The following MOV10L1 variants were observed in gnomAD, a reference collection of about 807,000 sequenced individuals.
MOV10L1 encodes the protein Mov10 like RNA helicase 1, also known as RNA helicase Mov10l1.
MOV10L1 carries 110 observed loss-of-function variants against 143.8 expected under a neutral mutation model. The ratio of observed to expected loss-of-function variants is 0.76; its 90% CI spans 0.66 to 0.90. The LOEUF is 0.90. Among genes scored for constraint, MOV10L1 ranks in the 40% least tolerant of loss-of-function variants. The pLI is 0.00. For synonymous variants in MOV10L1, 593 were observed against 581.1 expected, an observed-to-expected ratio of 1.02 and a Z score of -0.29; for missense variants, 1,406 against 1,526.8, an observed-to-expected ratio of 0.92 and a Z score of 1.32.
chr22:50,155,695 C>T (rs1020023425), intron 22 of MOV10L1, among the ~76,000 whole-genome samples: 1 of 152,164 alleles, frequency 6.6e-6, no homozygotes, highest in Non-Finnish European at 1.5e-5. Flanking sequence ...CAGCTGGTCT[C>T]GAACTCCTGA....
chr22:50,098,177 T>G (rs994686620), intron 2 of MOV10L1, among the ~76,000 whole-genome samples: 1 of 133,556 alleles, frequency 7.5e-6, no homozygotes, highest in Admixed American at 7.6e-5. Context: ...TATTGTCATC[T>G]TAATAATTAA....
In MOV10L1 at chr22:50,161,137, C is replaced by G. The variant is rs548574557; in HGVS notation, c.3554+82C>G. 65 of 1,397,928 alleles carry G rather than the reference C, an allele frequency of 4.6e-5. No individual in the cohort carries two copies. In the Admixed American group the frequency reaches 7.9e-4, roughly 17 times the overall value. The allele number at this position is 1,397,928 out of a possible 1,614,324, so 86.6% of individuals were successfully genotyped here. A position where few individuals can be genotyped will look rare whatever the true frequency, so the allele number is the denominator to read the frequency against. ...CTGCCCTCCCCTGCTCCCCTCACCC[C>G]CATCCACTTACCCACCTGCAGCCTT... On this transcript the variant is annotated intron_variant, in intron 26 of 26. Transcript: ENST00000262794.
intron 15 of MOV10L1, among the ~76,000 whole-genome samples, chr22:50,136,788 C>T (rs2062832989): frequency 6.6e-6 from 1 of 152,134 alleles, no homozygotes; most frequent in Non-Finnish European, 1.5e-5. Flanking sequence ...TTGATCAGTG[C>T]ATGATGTGAG....
At chr22:50,091,447 G>A (rs1352465059) in intron 1 of MOV10L1, 1 of 162,214 alleles carries the variant, frequency 6.2e-6, no homozygotes. Flanking sequence ...CCAGTCTTCC[G>A]AGGCTGCTGC....
At chr22:50,117,591 G>T (rs546546995) in intron 9 of MOV10L1, among the ~76,000 whole-genome samples, 1 of 152,134 alleles carries the variant, frequency 6.6e-6, no homozygotes, top group African/African-American at 2.4e-5. Flanking sequence ...CAAGGAAGAC[G>T]GCCTTCACTC....
intron 12 of MOV10L1, among the ~76,000 whole-genome samples, chr22:50,126,757 G>C (rs2062518655): frequency 6.6e-6 from 1 of 152,178 alleles, no homozygotes; most frequent in Non-Finnish European, 1.5e-5. Flanking sequence ...TGCATGAGAA[G>C]GGAGGTGCTC....
chr22:50,155,408 C>A (rs1248466259), intron 22 of MOV10L1, among the ~76,000 whole-genome samples: 1 of 151,888 alleles, frequency 6.6e-6, no homozygotes, highest in Admixed American at 6.6e-5. Context: ...CTACAGGCGC[C>A]TGCCACCACG....
intron 3 of MOV10L1, among the ~76,000 whole-genome samples, chr22:50,107,470 C>G (rs1055094650): frequency 6.6e-5 from 10 of 152,148 alleles, no homozygotes; most frequent in Admixed American, 6.5e-4. Context: ...GAGACACAAA[C>G]TCAGTATTCA....
rs1399867785 is a variant in MOV10L1 at position 50,092,268 on chromosome 22, A to G, written c.282+83A>G. 14 of 1,270,992 alleles carry G rather than the reference A, an allele frequency of 1.1e-5. No homozygotes were observed. The African/African-American group carries it at 1.6e-4, about 15-fold the overall frequency. 78.7% of individuals were successfully genotyped at this position (1,270,992 alleles called of 1,614,324 possible). A position where few individuals can be genotyped will look rare whatever the true frequency, so the allele number is the denominator to read the frequency against. The stretch of plus-strand genomic sequence containing the variant: ...TTTCCTTGTGTTTAATCTATCAGAC[A>G]TGACCCGGCCAAGGGAGAAAGAGTG... On this transcript the variant is annotated intron_variant, in intron 2 of 26. Coordinates refer to ENST00000262794, the MANE Select transcript of MOV10L1 (RefSeq NM_018995.3).
chr22:50,147,179 GGCC>G lies in MOV10L1; in HGVS notation c.2627+1372_2627+1374del, dbSNP rs1410295736. 3.3e-6 allele frequency: 5 copies of G among 1,504,480 alleles called. No homozygotes were observed. The African/African-American group carries it at 7.3e-5, about 22-fold the overall frequency. The allele number at this position is 1,504,480 out of a possible 1,614,324, so 93.2% of individuals were successfully genotyped here. On this transcript the variant is annotated intron_variant, in intron 19 of 26. Coordinates refer to ENST00000262794, the MANE Select transcript of MOV10L1 (RefSeq NM_018995.3). ...TGGGAGGAGGTGGCCGGCCAGGGCAGGCCGCTCTCTCAGAGGCACTCTGTGCAG... is the reference window on the plus strand; with the variant it reads ...TGGGAGGAGGTGGCCGGCCAGGGCAGGCTCTCTCAGAGGCACTCTGTGCAG...
At position 50,160,727 on chromosome 22, in the gene MOV10L1, TTTTTGGGTTTC is replaced by T; in HGVS notation, c.3367_3377del (p.Leu1123ValfsTer7). ...AGATAGATTTGAAGATGATCGATAT[TTTTTGGGTTTC>T]TTGTCCAACTCAAAAAGATTTAATG... is the stretch of plus-strand genomic sequence containing the variant. On this transcript the variant is annotated frameshift_variant, in exon 25 of 27. Transcript: ENST00000262794. LOFTEE classifies it high-confidence loss of function. The T allele has an allele frequency of 6.2e-7, 1 of 1,614,166 alleles. No homozygotes were observed. The highest frequency in any genetic ancestry group is 8.5e-7 in the Non-Finnish European group (1 of 1,180,024).
At chr22:50,129,462 GTGT>G (rs1488146997) in intron 13 of MOV10L1, among the ~76,000 whole-genome samples, 1 of 152,194 alleles carries the variant, frequency 6.6e-6, no homozygotes, top group Non-Finnish European at 1.5e-5. Flanking sequence ...AGATGTCTCC[GTGT>G]TGTTGTAACT....
chr22:50,158,940 A>G lies in MOV10L1; in HGVS notation c.3216+734A>G, dbSNP rs2063492227. 6.6e-6 allele frequency: 1 copy of G among 152,234 alleles called. No homozygotes were observed. Among genetic ancestry groups the G allele is most frequent in the Non-Finnish European group, 1.5e-5 (1 of 68,064 alleles). 9.4% of individuals were successfully genotyped at this position (152,234 alleles called of 1,614,324 possible). On this transcript the variant is annotated intron_variant, in intron 23 of 26. Transcript: ENST00000262794. The surrounding 1 kb of genome is among the most constrained non-coding windows in gnomAD (Gnocchi z 5.0). ...TAGTTCTCCCAGAGGTACAGAGATT[A>G]CGAAGGCTTATGGAGACAAGTAAGT...
Position 50,143,040 on chromosome 22 carries a change from C to T in MOV10L1, c.2180-3C>T, listed in dbSNP as rs370124251. ...ACTGAAACTTTCTTCACTTTGAATACAGTAGATGAAATTCAGACCCCTAAA... is the reference window on the plus strand; with the variant it reads ...ACTGAAACTTTCTTCACTTTGAATATAGTAGATGAAATTCAGACCCCTAAA... On this transcript the variant is annotated splice_polypyrimidine_tract_variant and splice_region_variant and intron_variant, in intron 16 of 26. Coordinates refer to ENST00000262794, the MANE Select transcript of MOV10L1 (RefSeq NM_018995.3). 2.7e-5 allele frequency: 43 copies of T among 1,613,532 alleles called. No individual in the cohort carries two copies. The African/African-American group carries it at 4.4e-4, about 17-fold the overall frequency.
chr22:50,124,501 G>A (rs923286073), intron 10 of MOV10L1, among the ~76,000 whole-genome samples: 3 of 152,108 alleles, frequency 2.0e-5, no homozygotes, highest in African/African-American at 7.2e-5. Context: ...GGGTTCATTG[G>A]GATTCTTGAA....
intron 12 of MOV10L1, among the ~76,000 whole-genome samples, chr22:50,128,014 C>T (rs190757652): frequency 1.4e-4 from 22 of 152,232 alleles, no homozygotes; most frequent in Non-Finnish European, 2.9e-4. Flanking sequence ...CAAGGTGATC[C>T]GCCCACCTTG....
chr22:50,115,374 G>A, intron 8 of MOV10L1, 128 bp downstream of exon 8: 1 of 1,084,852 alleles, frequency 9.2e-7, no homozygotes, highest in South Asian at 2.7e-5. Flanking sequence ...AAACCAGCCT[G>A]GCCACCATGG....
intron 5 of MOV10L1, chr22:50,109,688 AAAAAT>A: frequency 4.4e-6 from 1 of 227,926 alleles, no homozygotes; most frequent in South Asian, 5.4e-5. Context: ...AAAAAAAAAA[AAAAAT>A]TAGCCGAGCA....
chr22:50,114,274 T>C (rs905876464), intron 6 of MOV10L1, 107 bp from the exon 7 acceptor site: 2 of 1,309,978 alleles, frequency 1.5e-6, no homozygotes, highest in African/African-American at 3.0e-5. Flanking sequence ...TATTCATAAG[T>C]GTATTTGCAG....
Sources: gnomAD v4.1 joint callset for allele counts (sites outside exome capture counted in the v4.1 genomes callset) on GRCh38, gnomAD v4.1.1 for gene constraint, Gnocchi (gnomAD v3.1) non-coding constraint, MANE v1.5 for transcripts, NCBI Gene and HGNC (gene_info 2026-07-23, HGNC 2026-07-21) for gene names.